The following SLC9A9 variants were observed in gnomAD, a reference collection of about 807,000 sequenced individuals.
The protein encoded by SLC9A9 is solute carrier family 9 member A9.
Under a neutral mutation model 77.8 loss-of-function variants are expected in SLC9A9, and 62 were observed. The ratio of observed to expected loss-of-function variants is 0.80; its 90% CI spans 0.65 to 0.98. The LOEUF (loss-of-function observed/expected upper bound fraction) is 0.98, where lower values mean the gene tolerates loss of function less well. Among genes scored for constraint, SLC9A9 ranks in the 50% least tolerant of loss-of-function variants. SLC9A9 has a pLI of 0.00. For synonymous variants in SLC9A9, 320 were observed against 283.5 expected (o/e 1.13, Z -1.29); for missense variants, 775 against 774.9 (o/e 1.00, Z 0.00).
intron 6 of SLC9A9, among the ~76,000 whole-genome samples, chr3:143,639,810 C>T (rs1472533270): frequency 6.6e-6 from 1 of 152,134 alleles, no homozygotes; most frequent in African/African-American, 2.4e-5. Context: ...CTTTCATATG[C>T]AGGCCTGCCT....
At chr3:143,814,037 G>A (rs1450750169) in intron 2 of SLC9A9, among the ~76,000 whole-genome samples, 1 of 152,158 alleles carries the variant, frequency 6.6e-6, no homozygotes, top group African/African-American at 2.4e-5. Context: ...CTCAACATGT[G>A]TTTCCTTAAA....
At chr3:143,495,192 A>G in intron 10 of SLC9A9, 143 bp downstream of exon 10, 1 of 669,284 alleles carries the variant, frequency 1.5e-6, no homozygotes, top group Non-Finnish European at 2.6e-6. Context: ...TCCTCCCCTA[A>G]CTAGAAATCA....
intron 9 of SLC9A9, chr3:143,517,174 T>C: frequency 6.7e-7 from 1 of 1,491,472 alleles, no homozygotes; most frequent in Non-Finnish European, 9.2e-7. Flanking sequence ...TCATAACCTT[T>C]GAGTTGCTCT....
rs1217823998 is a variant in SLC9A9, at chr3:143,707,384, AC to A, written c.534-14078del. Among the ~76,000 whole-genome samples, 4 of 151,848 alleles carry A rather than the reference AC, an allele frequency of 2.6e-5. No individual in the cohort carries two copies. In the East Asian group the frequency reaches 7.7e-4, roughly 29 times the overall value. ...TTTTAAAATCTACACACACACACAC[AC>A]ACACACACACACACACCCCAGCTGG... is the stretch of plus-strand genomic sequence containing the variant. On this transcript the variant is annotated intron_variant, in intron 4 of 15. Transcript: ENST00000316549.
chr3:143,691,569 C>T (rs1351342939), intron 5 of SLC9A9, among the ~76,000 whole-genome samples: 1 of 152,110 alleles, frequency 6.6e-6, no homozygotes, highest in Non-Finnish European at 1.5e-5. Flanking sequence ...TGAACATTGT[C>T]CAAACCACAA....
intron 4 of SLC9A9, among the ~76,000 whole-genome samples, chr3:143,753,031 A>G (rs765981946): frequency 2.6e-5 from 4 of 152,228 alleles, no homozygotes; most frequent in Non-Finnish European, 4.4e-5. Flanking sequence ...CCATCCCAGA[A>G]AGCAGCCAAT....
chr3:143,808,234 C>T (rs2008775549), intron 2 of SLC9A9, among the ~76,000 whole-genome samples: 1 of 152,186 alleles, frequency 6.6e-6, no homozygotes, highest in Admixed American at 6.5e-5. Flanking sequence ...AATTGTTTTA[C>T]TTACATTTAT....
chr3:143,408,796 T>C (rs147277596), intron 12 of SLC9A9, among the ~76,000 whole-genome samples: 80 of 152,250 alleles, frequency 5.3e-4, no homozygotes, highest in African/African-American at 1.8e-3. Context: ...AATTTCCAAA[T>C]TGGTACTTTT....
chr3:143,522,000 G>A (rs1055029722), intron 9 of SLC9A9, among the ~76,000 whole-genome samples: 2 of 152,036 alleles, frequency 1.3e-5, no homozygotes, highest in African/African-American at 4.8e-5. Context: ...TGTGCTCTTG[G>A]CTGAGACTGT....
At chr3:143,561,036 CCGGGCG>C in intron 8 of SLC9A9, among the ~76,000 whole-genome samples, 1 of 152,204 alleles carries the variant, frequency 6.6e-6, no homozygotes, top group African/African-American at 2.4e-5. Context: ...CAAAAATTAG[CCGGGCG>C]TGGTGGTGTG....
chr3:143,336,795 A>G (rs959387377), intron 14 of SLC9A9, among the ~76,000 whole-genome samples: 7 of 152,278 alleles, frequency 4.6e-5, no homozygotes, highest in East Asian at 1.9e-4. Flanking sequence ...CAGGATAAAA[A>G]AGTTCTAGAG....
At chr3:143,639,128 C>T (rs1257140569) in intron 6 of SLC9A9, among the ~76,000 whole-genome samples, 3 of 152,084 alleles carry the variant, frequency 2.0e-5, no homozygotes, top group African/African-American at 7.2e-5. Context: ...ATTCAGAGCC[C>T]CAAAACTATT....
intron 12 of SLC9A9, among the ~76,000 whole-genome samples, chr3:143,423,727 TATTA>T (rs1332571048): frequency 6.6e-6 from 1 of 152,126 alleles, no homozygotes; most frequent in Non-Finnish European, 1.5e-5. Flanking sequence ...ACAAAATACT[TATTA>T]ATTATGGGGG....
chr3:143,836,939 G>A (rs993222301), intron 1 of SLC9A9, among the ~76,000 whole-genome samples: 1 of 152,088 alleles, frequency 6.6e-6, no homozygotes, highest in African/African-American at 2.4e-5. Flanking sequence ...GGTATAACAA[G>A]TATTTACTAA....
chr3:143,822,874 G>A (rs966365460), intron 2 of SLC9A9, among the ~76,000 whole-genome samples: 3 of 151,844 alleles, frequency 2.0e-5, no homozygotes, highest in Non-Finnish European at 4.4e-5. Context: ...CTCTCTCCCT[G>A]CCTTGAATCT....
At chr3:143,376,447 C>T (rs2033182199) in intron 13 of SLC9A9, among the ~76,000 whole-genome samples, 1 of 152,146 alleles carries the variant, frequency 6.6e-6, no homozygotes, top group African/African-American at 2.4e-5. Flanking sequence ...CCAATTTCAC[C>T]ATTTGTAAAA....
At chr3:143,408,327 G>T (rs1378005876) in intron 12 of SLC9A9, among the ~76,000 whole-genome samples, 2 of 152,116 alleles carry the variant, frequency 1.3e-5, no homozygotes, top group African/African-American at 4.8e-5. Flanking sequence ...ATTGCATATT[G>T]GGGCTCTGAA....
chr3:143,443,968 TG>T (rs1322169964), intron 12 of SLC9A9, among the ~76,000 whole-genome samples: 1 of 152,198 alleles, frequency 6.6e-6, no homozygotes, highest in Non-Finnish European at 1.5e-5. Context: ...ACCAGTGGCT[TG>T]GGGTTTCCTG....
chr3:143,600,057 T>C (rs2037819969), intron 6 of SLC9A9, among the ~76,000 whole-genome samples: 2 of 152,122 alleles, frequency 1.3e-5, no homozygotes, highest in Admixed American at 1.3e-4. Flanking sequence ...TACTTTAAGT[T>C]CTGGGATATA....
Sources: allele counts gnomAD v4.1 joint callset (sites outside exome capture counted in the v4.1 genomes callset), GRCh38; gene constraint gnomAD v4.1.1; transcripts MANE v1.5; gene names NCBI Gene and HGNC (gene_info 2026-07-23, HGNC 2026-07-21).